Variants in COL22A1 observed in about 807,000 individuals in gnomAD.
The protein encoded by COL22A1 is collagen alpha-1(XXII) chain.
COL22A1 carries 221 observed loss-of-function variants against 248.9 expected under a neutral mutation model. That is an observed-to-expected ratio of 0.89 (90% CI 0.80 to 0.99). The LOEUF is 0.99. Ranked by LOEUF, COL22A1 falls within the 50% of genes least tolerant of loss-of-function variation. COL22A1 has a pLI of 0.00. For missense variants in COL22A1, 2,240 were observed against 2,179.0 expected (o/e 1.03, Z -0.56); for synonymous variants, 891 against 793.4 (o/e 1.12, Z -2.07).
At chr8:138,720,819 C>A (rs11774914) in intron 26 of COL22A1, 27 bp from the exon 27 acceptor site, 18 of 1,584,128 alleles carry the variant, frequency 1.1e-5, no homozygotes, top group Non-Finnish European at 1.4e-5. Flanking sequence ...GCAAAGTTAA[C>A]AGGAGACGGG....
intron 39 of COL22A1, among the ~76,000 whole-genome samples, chr8:138,683,450 A>G (rs779540598): frequency 6.6e-6 from 1 of 152,226 alleles, no homozygotes; most frequent in Non-Finnish European, 1.5e-5. Context: ...GAATTGAGGA[A>G]GAGACTGGCT....
At chr8:138,704,420 A>T (rs1182975889) in intron 30 of COL22A1, among the ~76,000 whole-genome samples, 1 of 152,202 alleles carries the variant, frequency 6.6e-6, no homozygotes, top group Non-Finnish European at 1.5e-5. Context: ...CCCCTCTGAG[A>T]CGAAGCTTCC....
chr8:138,778,119 G>T, intron 15 of COL22A1: 1 of 591,858 alleles, frequency 1.7e-6, no homozygotes. Context: ...CCTGCTTCTT[G>T]ATGTGAGAAA....
rs1233027352 is a variant in COL22A1 at position 138,776,017 on chromosome 8, G to A, written c.1759-7C>T. On this transcript the variant is annotated splice_region_variant and splice_polypyrimidine_tract_variant and intron_variant, in intron 15 of 64. Transcript: ENST00000303045. ...CTCGTTCTCCTTGGAGACCCTGGGG[G>A]ACAAAGAAAGAGCAGTGACCCAACA... 3.7e-6 allele frequency: 6 copies of A among 1,614,010 alleles called. No individual in the cohort carries two copies. Among genetic ancestry groups the A allele is most frequent in the Admixed American group, 1.7e-5 (1 of 60,024 alleles).
At chr8:138,806,908 C>T (rs7818881) in intron 10 of COL22A1, among the ~76,000 whole-genome samples, 61,024 of 152,058 alleles carry the variant, frequency 0.4, 14,432 homozygotes, top group Middle Eastern at 0.55. Context: ...GTCTGCACCA[C>T]GAGACTCAGG....
At chr8:138,590,517 T>G (rs1816951737) in intron 64 of COL22A1, among the ~76,000 whole-genome samples, 1 of 152,154 alleles carries the variant, frequency 6.6e-6, no homozygotes, top group Non-Finnish European at 1.5e-5. Context: ...TATTTGAAAA[T>G]AGGTGAGCCA....
intron 47 of COL22A1, among the ~76,000 whole-genome samples, chr8:138,640,208 G>C (rs998272372): frequency 6.6e-6 from 1 of 152,132 alleles, no homozygotes; most frequent in Non-Finnish European, 1.5e-5. Flanking sequence ...AAACCTCTCT[G>C]AGTTGGGAGA....
intron 7 of COL22A1, among the ~76,000 whole-genome samples, chr8:138,814,482 G>T (rs1258721702): frequency 2.6e-5 from 4 of 152,314 alleles, no homozygotes; most frequent in African/African-American, 9.6e-5. Flanking sequence ...ATGGGGCACA[G>T]AAGGTAGCAT....
At chr8:138,606,798 CG>C (rs1818462222) in intron 57 of COL22A1, among the ~76,000 whole-genome samples, 1 of 152,266 alleles carries the variant, frequency 6.6e-6, no homozygotes, top group South Asian at 2.1e-4. Context: ...GCCCATGAGG[CG>C]GCCAAAGCTC....
chr8:138,785,552 G>A (rs758174081), intron 12 of COL22A1, among the ~76,000 whole-genome samples: 2 of 152,200 alleles, frequency 1.3e-5, no homozygotes, highest in Non-Finnish European at 2.9e-5. Context: ...ACTTACGATG[G>A]CACGCCCTCG....
chr8:138,791,113 A>T (rs2131582452), intron 12 of COL22A1, among the ~76,000 whole-genome samples: 1 of 152,324 alleles, frequency 6.6e-6, no homozygotes, highest in East Asian at 1.9e-4. Flanking sequence ...AACAATAATG[A>T]TGTCTTTCAC....
chr8:138,676,558 A>G lies in COL22A1; in HGVS notation c.3150T>C (p.Pro1050=), dbSNP rs201094946. The stretch of plus-strand genomic sequence containing the variant: ...AAGAGCTGGATAAATAAAGACTTAC[A>G]GGAGGGCCAGCAACCCCAATGCCTG... ...GDPGIGVAGP[P]GPSGPPGDKG... The change falls in exon 41 of 65, where the codon CCT becomes CCC. Residue 1050 remains proline, a splice_region_variant and synonymous_variant. Coordinates refer to ENST00000303045, the MANE Select transcript of COL22A1 (RefSeq NM_152888.3). 7.4e-5 allele frequency: 115 copies of G among 1,560,486 alleles called. No homozygotes were observed. In the East Asian group the frequency reaches 2.6e-3, roughly 36 times the overall value.
chr8:138,820,387 G>A (rs1819009527), intron 7 of COL22A1, among the ~76,000 whole-genome samples: 1 of 152,060 alleles, frequency 6.6e-6, no homozygotes, highest in African/African-American at 2.4e-5. Flanking sequence ...TGTGTGTATT[G>A]TATTATGTAC....
chr8:138,835,837 C>G (rs201559099), intron 4 of COL22A1, among the ~76,000 whole-genome samples: 1 of 151,780 alleles, frequency 6.6e-6, no homozygotes, highest in Non-Finnish European at 1.5e-5. Context: ...ATAATAATAA[C>G]AGTGTAGTAG....
At chr8:138,719,010 A>C (rs1003579075) in intron 27 of COL22A1, among the ~76,000 whole-genome samples, 2 of 152,242 alleles carry the variant, frequency 1.3e-5, no homozygotes, top group African/African-American at 4.8e-5. Context: ...GGTGGGGTTC[A>C]TACAGTATAA....
rs145064153 is a variant in COL22A1 at position 138,711,990 on chromosome 8, C to T, written c.2517+3692G>A. Among the ~76,000 whole-genome samples the T allele has an allele frequency of 5.4e-4, 83 of 152,330 alleles. No individual in the cohort carries two copies. In the East Asian group the frequency reaches 0.012, roughly 22 times the overall value. The stretch of plus-strand genomic sequence containing the variant: ...ACTTAGCTTTTCTGTGCCTCTGTTT[C>T]CTCATCTATCAAGTGGGGATGTTGT... On this transcript the variant is annotated intron_variant, in intron 30 of 64. Transcript: ENST00000303045.
Position 138,771,257 on chromosome 8 carries a change from A to T in COL22A1, c.1803+4709T>A, listed in dbSNP as rs1010456127. On this transcript the variant is annotated intron_variant, in intron 16 of 64. Transcript: ENST00000303045. ...AGCTTACCCCAAAGGAAGCTCCCAC[A>T]GCAGGTAGAGCTATGGCGACAGTCT... Among the ~76,000 whole-genome samples, 4 of 152,330 alleles carry T rather than the reference A, an allele frequency of 2.6e-5. No homozygotes were observed. In the South Asian group the frequency reaches 8.3e-4, roughly 32 times the overall value.
At chr8:138,887,443 G>A (rs1411902739) in intron 1 of COL22A1, among the ~76,000 whole-genome samples, 2 of 152,158 alleles carry the variant, frequency 1.3e-5, no homozygotes, top group East Asian at 3.9e-4. Context: ...TGGTCTTGAA[G>A]TCCTGACCTC....
chr8:138,847,669 T>C (rs117147564), intron 3 of COL22A1, among the ~76,000 whole-genome samples: 5,116 of 152,236 alleles, frequency 0.034, 119 homozygotes, highest in Non-Finnish European at 0.048. Context: ...GATAGATAAG[T>C]GGATGGGGTG....
Sources: allele counts gnomAD v4.1 joint callset (sites outside exome capture counted in the v4.1 genomes callset), GRCh38; gene constraint gnomAD v4.1.1; transcripts MANE v1.5; gene names NCBI Gene and HGNC (gene_info 2026-07-23, HGNC 2026-07-21).